TMEM182: variants seen among roughly 807,000 people sequenced by gnomAD.
TMEM182 encodes transmembrane protein 182.
A neutral mutation model predicts 26.8 loss-of-function variants in TMEM182; 20 were observed. The ratio of observed to expected loss-of-function variants is 0.75; its 90% confidence interval spans 0.53 to 1.09. The LOEUF (loss-of-function observed/expected upper bound fraction) is 1.09. Ranked by LOEUF, TMEM182 falls within the 50% of genes least tolerant of loss-of-function variation. The pLI is 0.00. For missense variants in TMEM182, 277 were observed against 275.5 expected (o/e 1.01, Z -0.04); for synonymous variants, 109 against 102.2 (o/e 1.07, Z -0.40).
intron 3 of TMEM182, among the ~76,000 whole-genome samples, chr2:102,841,937 T>A (rs1484250128): frequency 2.6e-5 from 4 of 152,202 alleles, no homozygotes; most frequent in Non-Finnish European, 5.9e-5. Flanking sequence ...ACAGGGTAAT[T>A]GCGAAGGTTA....
At chr2:102,792,408 A>G (rs1448649764) in intron 3 of TMEM182, among the ~76,000 whole-genome samples, 2 of 152,202 alleles carry the variant, frequency 1.3e-5, no homozygotes, top group Non-Finnish European at 2.9e-5. Context: ...ATAGTCACAC[A>G]ATTAATAAGC....
intron 3 of TMEM182, among the ~76,000 whole-genome samples, chr2:102,793,796 A>G (rs916112694): frequency 1.3e-5 from 2 of 152,160 alleles, no homozygotes; most frequent in African/African-American, 4.8e-5. Context: ...GAATCCACAG[A>G]TGCAAAACCC....
chr2:102,741,115 A>G (rs1272050097), intron 1 of TMEM182, among the ~76,000 whole-genome samples: 1 of 152,234 alleles, frequency 6.6e-6, no homozygotes, highest in Non-Finnish European at 1.5e-5. Context: ...AACTTTTCAT[A>G]GATACCTAAG....
intron 3 of TMEM182, among the ~76,000 whole-genome samples, chr2:102,788,186 C>T (rs1200912176): frequency 6.6e-6 from 1 of 152,234 alleles, no homozygotes; most frequent in African/African-American, 2.4e-5. Flanking sequence ...TGTGCCACTG[C>T]ACCCAGCTTT....
chr2:102,739,350 A>G (rs1679481187), intron 1 of TMEM182, among the ~76,000 whole-genome samples: 1 of 152,174 alleles, frequency 6.6e-6, no homozygotes, highest in African/African-American at 2.4e-5. Flanking sequence ...AGTGTTCCTC[A>G]ATTTTGATGT....
In TMEM182 at chr2:102,816,440, C is replaced by T; in HGVS notation, c.*1472C>T. 1 of 984,740 alleles carries T rather than the reference C, an allele frequency of 1.0e-6. No individual in the cohort carries two copies. Among genetic ancestry groups the T allele is most frequent in the Non-Finnish European group, 1.2e-6 (1 of 829,842 alleles). The allele number at this position is 984,740 out of a possible 1,614,324, so 61.0% of individuals were successfully genotyped here. A position where few individuals can be genotyped will look rare whatever the true frequency, so the allele number is the denominator to read the frequency against. Reference sequence around the variant, plus strand: ...TTGTGCTTTTCCATTAAGACTTGTTCCAGTGGGAAGGAGCTTTGGAAAAAT... The same window carrying T: ...TTGTGCTTTTCCATTAAGACTTGTTTCAGTGGGAAGGAGCTTTGGAAAAAT... On this transcript the variant is annotated 3_prime_UTR_variant, in exon 5 of 5. Coordinates refer to ENST00000412401, the MANE Select transcript of TMEM182 (RefSeq NM_144632.5).
chr2:102,837,732 C>T (rs1051424947), intron 3 of TMEM182, among the ~76,000 whole-genome samples: 2 of 152,302 alleles, frequency 1.3e-5, no homozygotes, highest in Non-Finnish European at 1.5e-5. Flanking sequence ...GCCCTGAGTA[C>T]CTCAAGTGGC....
At chr2:102,783,628 A>G (rs112420446) in intron 3 of TMEM182, among the ~76,000 whole-genome samples, 2 of 152,290 alleles carry the variant, frequency 1.3e-5, no homozygotes, top group African/African-American at 4.8e-5. Context: ...ATTAAACACC[A>G]ACGATCTGTT....
upstream of TMEM182, among the ~76,000 whole-genome samples, chr2:102,759,168 A>G (rs992339259): frequency 1.3e-5 from 2 of 152,208 alleles, no homozygotes; most frequent in Admixed American, 1.3e-4. Context: ...TTATATATGC[A>G]TGTGTTAAAG....
chr2:102,836,235 T>C (rs1033958814), intron 3 of TMEM182, among the ~76,000 whole-genome samples: 2 of 152,320 alleles, frequency 1.3e-5, no homozygotes, highest in Non-Finnish European at 1.5e-5. Flanking sequence ...AATTTTAACT[T>C]ATTTGGGTAA....
At chr2:102,770,354 A>G (rs1299609152) in intron 3 of TMEM182, among the ~76,000 whole-genome samples, 1 of 152,184 alleles carries the variant, frequency 6.6e-6, no homozygotes, top group Non-Finnish European at 1.5e-5. Flanking sequence ...ACAGACACCC[A>G]TTAAAGTCTC....
In TMEM182 at chr2:102,823,297, A is replaced by T. The variant is rs145095638; in HGVS notation, c.326-20115A>T. On this transcript the variant is annotated intron_variant, in intron 3 of 3. Coordinates refer to the TMEM182 transcript ENST00000486293. ...AAAATGTGAAGTGTATTTCAATAGCATGTTTTCAACACTAGATTCAAGAGT... is the reference window on the plus strand; with the variant it reads ...AAAATGTGAAGTGTATTTCAATAGCTTGTTTTCAACACTAGATTCAAGAGT... Among the ~76,000 whole-genome samples, 27 of 152,298 alleles carry T rather than the reference A, an allele frequency of 1.8e-4. No individual in the cohort carries two copies. In the East Asian group the frequency reaches 5.2e-3, roughly 29 times the overall value.
chr2:102,806,488 C>A (rs1682353682), intron 4 of TMEM182, among the ~76,000 whole-genome samples: 1 of 152,100 alleles, frequency 6.6e-6, no homozygotes, highest in Non-Finnish European at 1.5e-5. Context: ...CATTGGAGGT[C>A]ATCATTCCCT....
At chr2:102,821,454 C>T (rs528780210), downstream of TMEM182, among the ~76,000 whole-genome samples, 5 of 152,222 alleles carry the variant, frequency 3.3e-5, no homozygotes, top group South Asian at 4.2e-4. Flanking sequence ...CTCTTGCTCC[C>T]GCTCAGCCAT....
At chr2:102,755,129 G>A (rs1162442457) in intron 1 of TMEM182, among the ~76,000 whole-genome samples, 1 of 152,100 alleles carries the variant, frequency 6.6e-6, no homozygotes, top group Non-Finnish European at 1.5e-5. Context: ...CCAGGAAGCT[G>A]GAAGAATCTC....
chr2:102,816,173 A>G lies in TMEM182; in HGVS notation c.*1205A>G, dbSNP rs1682736714. On this transcript the variant is annotated 3_prime_UTR_variant, in exon 5 of 5. Coordinates refer to ENST00000412401, the MANE Select transcript of TMEM182 (RefSeq NM_144632.5). The stretch of plus-strand genomic sequence containing the variant: ...ACTAATGTTGATTGAAATCAAATCC[A>G]TCTGAGATGCCTAGCTCGTATTTGC... 1 of 985,390 alleles carries G rather than the reference A, an allele frequency of 1.0e-6. No homozygotes were observed. The highest frequency in any genetic ancestry group is 1.2e-6 in the Non-Finnish European group (1 of 829,930). The allele number at this position is 985,390 out of a possible 1,614,324, so 61.0% of individuals were successfully genotyped here.
chr2:102,812,640 T>G (rs1682595909), intron 4 of TMEM182, among the ~76,000 whole-genome samples: 1 of 152,226 alleles, frequency 6.6e-6, no homozygotes, highest in Non-Finnish European at 1.5e-5. Flanking sequence ...GCAATACATT[T>G]TCCTAATACT....
chr2:102,822,561 G>T (rs1379969468), downstream of TMEM182, among the ~76,000 whole-genome samples: 1 of 152,146 alleles, frequency 6.6e-6, no homozygotes, highest in Non-Finnish European at 1.5e-5. Context: ...TTGATTTAAA[G>T]AGTTAACAGG....
intron 3 of TMEM182, among the ~76,000 whole-genome samples, chr2:102,831,101 A>T (rs1683140105): frequency 6.6e-6 from 1 of 152,154 alleles, no homozygotes; most frequent in Non-Finnish European, 1.5e-5. Context: ...TTATCTGCTC[A>T]TCTGTTGATG....
Sources: allele counts gnomAD v4.1 joint callset (sites outside exome capture counted in the v4.1 genomes callset), GRCh38; gene constraint gnomAD v4.1.1; transcripts MANE v1.5; gene names NCBI Gene and HGNC (gene_info 2026-07-23, HGNC 2026-07-21).